Variants in BAHCC1 observed in about 807,000 individuals in gnomAD.
The protein encoded by BAHCC1 is BAH domain and coiled-coil containing 1, also known as BAH and coiled-coil domain-containing protein 1.
Under a neutral mutation model 88.2 loss-of-function variants are expected in BAHCC1, and 43 were observed. That is an observed-to-expected ratio of 0.49 (90% confidence interval 0.38 to 0.63). The LOEUF (loss-of-function observed/expected upper bound fraction) is 0.63, where lower values mean the gene tolerates loss of function less well. Ranked by LOEUF, BAHCC1 falls within the 20% of genes least tolerant of loss-of-function variation. The pLI is 0.00. For synonymous variants in BAHCC1, 1,510 were observed against 745.5 expected, an observed-to-expected ratio of 2.03 and a Z score of -16.71; for missense variants, 3,023 against 1,654.8, an observed-to-expected ratio of 1.83 and a Z score of -14.34.
intron 2 of BAHCC1, among the ~76,000 whole-genome samples, chr17:81,424,629 G>T (rs2064152928): frequency 6.6e-6 from 1 of 152,164 alleles, no homozygotes; most frequent in South Asian, 2.1e-4. Context: ...TGGTAATGGT[G>T]GTGGATGATG....
chr17:81,445,118 G>A lies in BAHCC1; in HGVS notation c.2775G>A (p.Pro925=), dbSNP rs372281060. The change falls in exon 9 of 28, where the codon CCG becomes CCA. Residue 925 remains proline, a synonymous_variant. Coordinates refer to ENST00000675386, the MANE Select transcript of BAHCC1 (RefSeq NM_001377448.1). The stretch of plus-strand genomic sequence containing the variant: ...GCCAGCTCCCTGTGTACTCGAGGCC[G>A]CAGCTCCTCCGGCAGCAGGAGCTCT... ...HPGQLPVYSR[P]QLLRQQELYA... 12 of 773,342 alleles carry A rather than the reference G, an allele frequency of 1.6e-5. No homozygotes were observed. Among genetic ancestry groups the A allele is most frequent in the African/African-American group, 8.5e-5 (5 of 59,002 alleles). 47.9% of individuals were successfully genotyped at this position (773,342 alleles called of 1,614,324 possible). A position where few individuals can be genotyped will look rare whatever the true frequency, so the allele number is the denominator to read the frequency against.
chr17:81,418,146 G>A (rs1399697345), intron 2 of BAHCC1, among the ~76,000 whole-genome samples: 6 of 152,260 alleles, frequency 3.9e-5, no homozygotes, highest in Non-Finnish European at 5.9e-5. Context: ...TCCACCAGGT[G>A]TGGAGGGAGC....
intron 10 of BAHCC1, chr17:81,446,616 A>G (rs2064533268): frequency 3.3e-6 from 1 of 307,098 alleles, no homozygotes; most frequent in Non-Finnish European, 6.4e-6. Context: ...TGACGCGAAC[A>G]TGGTTCACTG....
At position 81,461,287 on chromosome 17, in the gene BAHCC1, C is replaced by T. The variant is rs61738603; in HGVS notation, c.6624C>T (p.Val2208=). The T allele has an allele frequency of 3.9e-4, 277 of 708,144 alleles. 5 individuals are homozygous for T. In the Middle Eastern group the frequency reaches 0.021, roughly 53 times the overall value. The allele number at this position is 708,144 out of a possible 1,614,324, so 43.9% of individuals were successfully genotyped here. ...GRRRAGGEFL[V]KLDHEGVTSP... The stretch of plus-strand genomic sequence containing the variant: ...GGCGGGCGGGCGGTGAGTTCCTGGT[C>T]AAGCTGGACCACGAGGGTGTGACCT... Residue 2208 remains valine (V), a synonymous_variant, in exon 26 of 28, where the codon GTC becomes GTT. Coordinates refer to ENST00000675386, the MANE Select transcript of BAHCC1 (RefSeq NM_001377448.1).
chr17:81,419,672 C>A (rs960485745), intron 2 of BAHCC1, among the ~76,000 whole-genome samples: 1 of 151,840 alleles, frequency 6.6e-6, no homozygotes, highest in African/African-American at 2.4e-5. Flanking sequence ...CCGCCAGACT[C>A]GGAGCCGGGG....
chr17:81,445,047 C>T lies in BAHCC1; in HGVS notation c.2704C>T (p.Pro902Ser), dbSNP rs782288113. The T allele has an allele frequency of 1.3e-6, 1 of 766,616 alleles. No homozygotes were observed. Among genetic ancestry groups the T allele is most frequent in the Non-Finnish European group, 2.4e-6 (1 of 413,508 alleles). The allele number at this position is 766,616 out of a possible 1,614,324, so 47.5% of individuals were successfully genotyped here. Residue 902 changes from proline (P) to serine (S), a missense_variant, in exon 9 of 28, where the codon CCC becomes TCC. Physicochemically the swap from Pro to Ser is moderately conservative, Grantham distance 74. Coordinates refer to ENST00000675386, the MANE Select transcript of BAHCC1 (RefSeq NM_001377448.1). ...CATGGACCAGGCGTCACTGTGGCCC[C>T]CCATGTACGGGGGCCGGGGCCCCGC... ...DVMDQASLWP[P>S]MYGGRGPASH... is the part of the protein sequence containing the mutation.
chr17:81,441,601 G>A (rs1490253971), intron 4 of BAHCC1, among the ~76,000 whole-genome samples: 1 of 148,252 alleles, frequency 6.7e-6, no homozygotes. Flanking sequence ...GGTGGAGCTT[G>A]CAGTGAGCCG....
intron 2 of BAHCC1, among the ~76,000 whole-genome samples, chr17:81,405,651 G>T (rs1027037530): frequency 6.6e-6 from 1 of 152,214 alleles, no homozygotes; most frequent in African/African-American, 2.4e-5. Flanking sequence ...AGCCAGTGCC[G>T]CTGGGAATAA....
In BAHCC1 at chr17:81,442,700, G is replaced by A. The variant is rs377065491; in HGVS notation, c.1351G>A (p.Glu451Lys). 5.2e-6 allele frequency: 4 copies of A among 774,170 alleles called. No individual in the cohort carries two copies. The highest frequency in any genetic ancestry group is 2.4e-5 in the East Asian group (1 of 41,022). 48.0% of individuals were successfully genotyped at this position (774,170 alleles called of 1,614,324 possible). ...CCACCTGAAGGCCGAGGGCAAGGGCGAGCGGCGGCCTGGGGGCTTTGAGGC... is the reference window on the plus strand; with the variant it reads ...CCACCTGAAGGCCGAGGGCAAGGGCAAGCGGCGGCCTGGGGGCTTTGAGGC... ...YAHLKAEGKGERRPGGFEAAL... is the reference protein window; with the variant it reads ...YAHLKAEGKGKRRPGGFEAAL... Residue 451 changes from glutamate (E) to lysine (K), a missense_variant, in exon 5 of 28, where the codon GAG (glutamate) becomes AAG (lysine). Glu to Lys is a moderately conservative substitution (Grantham distance 56). Coordinates refer to ENST00000675386, the MANE Select transcript of BAHCC1 (RefSeq NM_001377448.1).
Position 81,461,697 on chromosome 17 carries a change from C to G in BAHCC1, c.7034C>G (p.Ser2345Trp), listed in dbSNP as rs545076327. The change falls in exon 26 of 28, where the codon TCG becomes TGG. Residue 2345 changes from serine (S) to tryptophan (W), a missense_variant. By Grantham distance (177) the Ser-to-Trp change is radical. Coordinates refer to ENST00000675386, the MANE Select transcript of BAHCC1 (RefSeq NM_001377448.1). ...SSLCSSDNED[S>W]SYSSDDEDPA... The stretch of plus-strand genomic sequence containing the variant: ...CTCTGCTCCTCCGACAACGAGGACT[C>G]GTCCTACAGCTCAGACGACGAGGAC... 6.9e-6 allele frequency: 5 copies of G among 720,776 alleles called. No homozygotes were observed. The Admixed American group carries it at 8.0e-5, about 11-fold the overall frequency. The allele number at this position is 720,776 out of a possible 1,614,324, so 44.6% of individuals were successfully genotyped here.
chr17:81,442,402 C>T lies in BAHCC1; in HGVS notation c.1053C>T (p.Ala351=), dbSNP rs564931328. The T allele has an allele frequency of 2.9e-5, 20 of 698,460 alleles. 1 individual carries two copies. Among genetic ancestry groups the T allele is most frequent in the South Asian group, 7.6e-5 (5 of 65,686 alleles). The allele number at this position is 698,460 out of a possible 1,614,324, so 43.3% of individuals were successfully genotyped here. Residue 351 remains alanine, a synonymous_variant, in exon 5 of 28, where the codon GCC becomes GCT. Coordinates refer to ENST00000675386, the MANE Select transcript of BAHCC1 (RefSeq NM_001377448.1). Reference sequence around the variant, plus strand: ...TGCTACACCACACCGCATCCTACGCCGGGCCACCCCCGCCCCTCAGCACAG... The same window carrying T: ...TGCTACACCACACCGCATCCTACGCTGGGCCACCCCCGCCCCTCAGCACAG... ...RQMLHHTASY[A]GPPPPLSTAA...
Position 81,458,372 on chromosome 17 carries a change from G to C in BAHCC1, c.5249G>C (p.Arg1750Pro), listed in dbSNP as rs112170026. 3 of 725,952 alleles carry C rather than the reference G, an allele frequency of 4.1e-6. No individual in the cohort carries two copies. The highest frequency in any genetic ancestry group is 2.9e-5 in the South Asian group (2 of 68,306). 45.0% of individuals were successfully genotyped at this position (725,952 alleles called of 1,614,324 possible). The change falls in exon 18 of 28, where the codon CGG becomes CCG. Residue 1750 changes from arginine (R) to proline (P), a missense_variant. By Grantham distance (103) the Arg-to-Pro change is moderately radical. Transcript: ENST00000675386. ...AGGGACGCCCTCTTCAACCCCTCTC[G>C]GGCCTTCGCCTGCCGTGAGGAGGGC... is the stretch of plus-strand genomic sequence containing the variant. ...PSRDALFNPS[R>P]AFACREEGSQ...
Position 81,464,012 on chromosome 17 carries a change from G to A in BAHCC1, c.*195G>A, listed in dbSNP as rs2143680643. Reference sequence around the variant, plus strand: ...AGAGCGCTCCAGGTGTCGGAATCCAGTCCCGTCCCATCCTCTGCGGAGGGT... The same window carrying A: ...AGAGCGCTCCAGGTGTCGGAATCCAATCCCGTCCCATCCTCTGCGGAGGGT... On this transcript the variant is annotated 3_prime_UTR_variant, in exon 28 of 28. Coordinates refer to ENST00000675386, the MANE Select transcript of BAHCC1 (RefSeq NM_001377448.1). 1 of 600,662 alleles carries A rather than the reference G, an allele frequency of 1.7e-6. No individual in the cohort carries two copies. Among genetic ancestry groups the A allele is most frequent in the East Asian group, 2.8e-5 (1 of 36,064 alleles). The allele number at this position is 600,662 out of a possible 1,614,324, so 37.2% of individuals were successfully genotyped here.
rs1329711160 is a variant in BAHCC1 at position 81,423,466 on chromosome 17, G to A, written c.179-3334G>A. 3.3e-5 allele frequency among the ~76,000 whole-genome samples: 5 copies of A among 152,346 alleles called. No individual in the cohort carries two copies. The East Asian group carries it at 7.7e-4, about 24-fold the overall frequency. ...ACAAATTCCCCCTGCCTCCCGGGCA[G>A]GGGAATGGCTGTCCTGACTCACCTC... is the stretch of plus-strand genomic sequence containing the variant. On this transcript the variant is annotated intron_variant, in intron 2 of 27. Transcript: ENST00000675386.
chr17:81,443,312 C>T lies in BAHCC1; in HGVS notation c.1963C>T (p.Leu655=). The change falls in exon 5 of 28, where the codon CTG becomes TTG. Residue 655 remains leucine, a synonymous_variant. Transcript: ENST00000675386. ...VVGQKAPLVG[L]GGLKASCIQQ... is the part of the protein sequence containing the mutation. Reference sequence around the variant, plus strand: ...GGGCCAGAAAGCACCCTTGGTGGGCCTGGGTGGCCTCAAGGCCAGCTGCAT... The same window carrying T: ...GGGCCAGAAAGCACCCTTGGTGGGCTTGGGTGGCCTCAAGGCCAGCTGCAT... 1 of 779,282 alleles carries T rather than the reference C, an allele frequency of 1.3e-6. No individual in the cohort carries two copies. The allele number at this position is 779,282 out of a possible 1,614,324, so 48.3% of individuals were successfully genotyped here.
chr17:81,433,464 C>T (rs1370266210), intron 3 of BAHCC1, among the ~76,000 whole-genome samples: 2 of 151,394 alleles, frequency 1.3e-5, no homozygotes, highest in African/African-American at 2.4e-5. Context: ...ATCAGTCCAC[C>T]GAGGCCCCTC....
chr17:81,412,793 A>C (rs114478876), intron 2 of BAHCC1, among the ~76,000 whole-genome samples: 2 of 152,204 alleles, frequency 1.3e-5, no homozygotes, highest in African/African-American at 4.8e-5. Context: ...TGATTATTTC[A>C]CAGCTTCTGT....
At chr17:81,449,876 T>G (rs1700847866) in intron 11 of BAHCC1, among the ~76,000 whole-genome samples, 1 of 152,172 alleles carries the variant, frequency 6.6e-6, no homozygotes, top group South Asian at 2.1e-4. Context: ...TGTGGCCCCC[T>G]GGCCCTCCCC....
chr17:81,438,729 T>C (rs1373143218), intron 4 of BAHCC1, among the ~76,000 whole-genome samples: 3 of 152,118 alleles, frequency 2.0e-5, no homozygotes, highest in African/African-American at 7.2e-5. Context: ...TCTCAAGACC[T>C]CTCACTGCTC....
Sources: gnomAD v4.1 joint callset for allele counts (sites outside exome capture counted in the v4.1 genomes callset) on GRCh38, gnomAD v4.1.1 for gene constraint, MANE v1.5 for transcripts, NCBI Gene and HGNC (gene_info 2026-07-23, HGNC 2026-07-21) for gene names.